The following RGS21 variants were observed in gnomAD, a reference collection of about 807,000 sequenced individuals.
The protein encoded by RGS21 is regulator of G protein signaling 21.
RGS21 carries 19 observed loss-of-function variants against 18.7 expected under a neutral mutation model. The observed-to-expected ratio is 1.01, with a 90% CI of 0.71 to 1.49. The LOEUF is 1.49. Among genes scored for constraint, RGS21 ranks in the 40% most tolerant of loss-of-function variants. The pLI is 0.00. For missense variants in RGS21, 194 were observed against 176.8 expected, an observed-to-expected ratio of 1.10 and a Z score of -0.55; for synonymous variants, 56 against 57.8, an observed-to-expected ratio of 0.97 and a Z score of 0.14.
intron 1 of RGS21, among the ~76,000 whole-genome samples, chr1:192,333,458 T>C (rs1303159638): frequency 6.6e-6 from 1 of 151,818 alleles, no homozygotes; most frequent in Non-Finnish European, 1.5e-5. Context: ...ATGATTAAAT[T>C]AACAGTGATA....
At chr1:192,345,775 T>C (rs767408016) in intron 2 of RGS21, among the ~76,000 whole-genome samples, 5 of 152,090 alleles carry the variant, frequency 3.3e-5, no homozygotes, top group African/African-American at 9.6e-5. Flanking sequence ...AATTTTAGTA[T>C]ACAAACAGGA....
chr1:192,361,489 T>C (rs1174381386), intron 4 of RGS21, among the ~76,000 whole-genome samples: 1 of 152,200 alleles, frequency 6.6e-6, no homozygotes, highest in Non-Finnish European at 1.5e-5. Flanking sequence ...TCACATTGAA[T>C]ACTTAACATT....
chr1:192,333,362 T>A (rs986910968), intron 1 of RGS21, among the ~76,000 whole-genome samples: 1 of 151,538 alleles, frequency 6.6e-6, no homozygotes, highest in Non-Finnish European at 1.5e-5. Context: ...ATAAAATGTA[T>A]GTCTATACAA....
intron 4 of RGS21, among the ~76,000 whole-genome samples, chr1:192,361,263 T>A (rs974501301): frequency 1.3e-5 from 2 of 152,080 alleles, no homozygotes; most frequent in Non-Finnish European, 1.5e-5. Context: ...TACTTTGCCA[T>A]GGAAGAAGAC....
intron 4 of RGS21, among the ~76,000 whole-genome samples, chr1:192,354,872 G>A (rs1659090375): frequency 6.6e-6 from 1 of 151,518 alleles, no homozygotes; most frequent in African/African-American, 2.4e-5. Flanking sequence ...ATTTGCTGAT[G>A]CAATTGGACA....
At chr1:192,354,615 G>T (rs150761845) in intron 4 of RGS21, among the ~76,000 whole-genome samples, 29 of 151,754 alleles carry the variant, frequency 1.9e-4, no homozygotes, top group Middle Eastern at 3.4e-3. Context: ...AATATGATTT[G>T]CACAAGTGGA....
At chr1:192,345,625 T>C (rs1196040840) in intron 2 of RGS21, among the ~76,000 whole-genome samples, 1 of 152,068 alleles carries the variant, frequency 6.6e-6, no homozygotes, top group Non-Finnish European at 1.5e-5. Flanking sequence ...TTGTCTAGAT[T>C]TTATTTTTCA....
chr1:192,319,654 T>TATC (rs1198634762), intron 1 of RGS21, among the ~76,000 whole-genome samples: 11 of 152,138 alleles, frequency 7.2e-5, no homozygotes, highest in African/African-American at 2.7e-4. Context: ...ATCTGCCAGT[T>TATC]ATCAATTGTG....
intron 3 of RGS21, among the ~76,000 whole-genome samples, chr1:192,349,438 C>T (rs966188182): frequency 6.6e-5 from 10 of 152,178 alleles, no homozygotes; most frequent in Admixed American, 1.3e-4. Context: ...TGCAGACATA[C>T]TTTGCATGTA....
intron 1 of RGS21, among the ~76,000 whole-genome samples, chr1:192,325,002 C>G (rs945679415): frequency 8.6e-5 from 13 of 152,040 alleles, no homozygotes; most frequent in Non-Finnish European, 1.5e-5. Context: ...TTTTTAATTT[C>G]CACTATCCTT....
chr1:192,322,992 T>C (rs1658517461), intron 1 of RGS21, among the ~76,000 whole-genome samples: 2 of 152,110 alleles, frequency 1.3e-5, no homozygotes, highest in South Asian at 4.1e-4. Flanking sequence ...CGGGGATGGA[T>C]GAAGCATCTA....
chr1:192,363,418 G>T (rs907331196), intron 4 of RGS21, among the ~76,000 whole-genome samples: 2 of 152,102 alleles, frequency 1.3e-5, no homozygotes, highest in African/African-American at 4.8e-5. Context: ...AATCACAGAT[G>T]ATGCTGTTAA....
intron 3 of RGS21, among the ~76,000 whole-genome samples, chr1:192,348,349 C>T (rs1309833202): frequency 1.3e-5 from 2 of 152,066 alleles, no homozygotes; most frequent in Non-Finnish European, 2.9e-5. Flanking sequence ...TTGATCACGA[C>T]TGCCTTTGGT....
At chr1:192,336,639 C>T (rs867966407) in intron 1 of RGS21, among the ~76,000 whole-genome samples, 1 of 151,714 alleles carries the variant, frequency 6.6e-6, no homozygotes, top group Admixed American at 6.6e-5. Context: ...CCCATTTAAC[C>T]TGTCAAAAAA....
chr1:192,318,604 T>G (rs1318547716), intron 1 of RGS21, among the ~76,000 whole-genome samples: 1 of 152,162 alleles, frequency 6.6e-6, no homozygotes, highest in East Asian at 1.9e-4. Context: ...TATCATTTAC[T>G]TCTTAATTTT....
Position 192,347,329 on chromosome 1 carries a change from TCA to T in RGS21, c.30_31del (p.Pro11AsnfsTer9). 6.2e-7 allele frequency: 1 copy of T among 1,606,530 alleles called. No individual in the cohort carries two copies. The highest frequency in any genetic ancestry group is 2.2e-5 in the East Asian group (1 of 44,716). On this transcript the variant is annotated frameshift_variant, in exon 3 of 5. Transcript: ENST00000417209. LOFTEE classifies it high-confidence loss of function. MPVKCCFYR[S>X]PTAETMTWSE... Reference sequence around the variant, plus strand: ...CAAGGTTAGATGCTGTTTCTACAGGTCACCAACTGCGGAAACAATGACATGGT... The same window carrying T: ...CAAGGTTAGATGCTGTTTCTACAGGTCCAACTGCGGAAACAATGACATGGT...
chr1:192,351,806 A>T (rs1480003841), intron 3 of RGS21, among the ~76,000 whole-genome samples: 1 of 147,600 alleles, frequency 6.8e-6, no homozygotes, highest in Non-Finnish European at 1.5e-5. Context: ...AGCACATATA[A>T]CATATATGTG....
At chr1:192,328,632 G>A (rs1431715691) in intron 1 of RGS21, among the ~76,000 whole-genome samples, 1 of 152,128 alleles carries the variant, frequency 6.6e-6, no homozygotes, top group African/African-American at 2.4e-5. Flanking sequence ...TAGGTAAAGT[G>A]TGTCTAATGG....
At chr1:192,337,267 C>T (rs915652715) in intron 1 of RGS21, among the ~76,000 whole-genome samples, 64 of 152,074 alleles carry the variant, frequency 4.2e-4, no homozygotes, top group African/African-American at 1.5e-3. Flanking sequence ...TCATTCCTCT[C>T]AGTATGTCAA....
Sources: gnomAD v4.1 joint callset for allele counts (sites outside exome capture counted in the v4.1 genomes callset) on GRCh38, gnomAD v4.1.1 for gene constraint, MANE v1.5 for transcripts, NCBI Gene and HGNC (gene_info 2026-07-23, HGNC 2026-07-21) for gene names.